The following BRCA2 variants were observed in gnomAD, a reference collection of about 807,000 sequenced individuals.
BRCA2 encodes the protein breast cancer type 2 susceptibility protein.
BRCA2 carries 203 observed loss-of-function variants against 276.7 expected under a neutral mutation model. The observed-to-expected ratio is 0.73, with a 90% CI of 0.65 to 0.82. The LOEUF is 0.82. Ranked by LOEUF, BRCA2 falls within the 40% of genes least tolerant of loss-of-function variation. The pLI is 0.00. For synonymous variants in BRCA2, 1,289 were observed against 1,338.4 expected (o/e 0.96, Z 0.81); for missense variants, 3,920 against 3,915.0 (o/e 1.00, Z -0.03).
chr13:32,381,314 GAAAT>G lies in BRCA2; in HGVS notation c.9256+1172_9256+1175del, dbSNP rs370032187. The stretch of plus-strand genomic sequence containing the variant: ...TTGGGGGAGGGAGATTACAAACAAA[GAAAT>G]AAGTAATATACATGTGTATAGTTTT... On this transcript the variant is annotated intron_variant, in intron 24 of 26. Coordinates refer to ENST00000380152, the MANE Select transcript of BRCA2 (RefSeq NM_000059.4). Among the ~76,000 whole-genome samples the G allele has an allele frequency of 3.0e-4, 45 of 152,186 alleles. No individual in the cohort carries two copies. In the East Asian group the frequency reaches 7.5e-3, roughly 26 times the overall value.
At chr13:32,381,243 C>T in intron 24 of BRCA2, among the ~76,000 whole-genome samples, 1 of 152,020 alleles carries the variant, frequency 6.6e-6, no homozygotes, top group East Asian at 1.9e-4. Context: ...TAGCGATTAA[C>T]AAAACAGATA....
rs781092796 is a variant in BRCA2, at chr13:32,355,097, A to G, written c.7244A>G (p.His2415Arg). 9 of 1,613,710 alleles carry G rather than the reference A, an allele frequency of 5.6e-6. No individual in the cohort carries two copies. Among genetic ancestry groups the G allele is most frequent in the South Asian group, 2.2e-5 (2 of 91,082 alleles). The change falls in exon 14 of 27, where the codon CAT becomes CGT. Residue 2415 changes from histidine (H) to arginine (R), a missense_variant. Transcript: ENST00000380152. ...GTTCCACCTTTTAAAACTAAATCAC[A>G]TTTTCACAGAGTTGAACAGTGTGTT... ...VFVPPFKTKS[H>R]FHRVEQCVRN... is the part of the protein sequence containing the mutation.
chr13:32,347,804 C>T (rs1162511290), intron 13 of BRCA2, among the ~76,000 whole-genome samples: 2 of 152,148 alleles, frequency 1.3e-5, no homozygotes, highest in African/African-American at 4.8e-5. Context: ...TGAGGATACT[C>T]AGATGAAACA....
In BRCA2 at chr13:32,338,916, C is replaced by A; in HGVS notation, c.4561C>A (p.Leu1521Ile). 3 of 1,613,952 alleles carry A rather than the reference C, an allele frequency of 1.9e-6. No homozygotes were observed. The highest frequency in any genetic ancestry group is 1.1e-5 in the South Asian group (1 of 91,066). ...ERDEKIKEPTLLGFHTASGKK... is the reference protein window; with the variant it reads ...ERDEKIKEPTILGFHTASGKK... ...TGATGAAAAGATCAAAGAACCTACTCTATTGGGTTTTCATACAGCTAGCGG... is the reference window on the plus strand; with the variant it reads ...TGATGAAAAGATCAAAGAACCTACTATATTGGGTTTTCATACAGCTAGCGG... Residue 1521 changes from leucine to isoleucine, a missense_variant, in exon 11 of 27, where the codon CTA (leucine) becomes ATA (isoleucine). Around this residue, in one of 2 missense-constraint regions of BRCA2, gnomAD observed 3,263 missense variants for 3,156.9 expected, o/e 1.03. Coordinates refer to ENST00000380152, the MANE Select transcript of BRCA2 (RefSeq NM_000059.4).
At chr13:32,377,407 C>T (rs867883046) in intron 21 of BRCA2, among the ~76,000 whole-genome samples, 6 of 152,084 alleles carry the variant, frequency 3.9e-5, no homozygotes, top group Admixed American at 6.6e-5. Context: ...GCCTGGCCAA[C>T]GTGGTGAAAC....
At chr13:32,347,687 C>G (rs2072621037) in intron 13 of BRCA2, among the ~76,000 whole-genome samples, 1 of 152,152 alleles carries the variant, frequency 6.6e-6, no homozygotes. Flanking sequence ...TAGCTCCTTC[C>G]CACACTTGGT....
intron 11 of BRCA2, among the ~76,000 whole-genome samples, chr13:32,342,318 G>C (rs1371739023): frequency 6.6e-6 from 1 of 151,272 alleles, no homozygotes; most frequent in African/African-American, 2.4e-5. Flanking sequence ...CAGTGAACTT[G>C]ACATATAGTA....
At position 32,396,941 on chromosome 13, in the gene BRCA2, A is replaced by G. The variant is rs1566260129; in HGVS notation, c.9545A>G (p.His3182Arg). 6.2e-7 allele frequency: 1 copy of G among 1,614,138 alleles called. No homozygotes were observed. Residue 3182 changes from histidine to arginine, a missense_variant, in exon 26 of 27, where the codon CAT (histidine) becomes CGT (arginine). Transcript: ENST00000380152. ...LCNEAENKLM[H>R]ILHANDPKWS... The stretch of plus-strand genomic sequence containing the variant: ...AATGAAGCAGAAAACAAGCTTATGC[A>G]TATACTGCATGCAAATGATCCCAAG...
intron 12 of BRCA2, among the ~76,000 whole-genome samples, chr13:32,345,770 A>G (rs957796271): frequency 1.3e-5 from 2 of 152,074 alleles, no homozygotes; most frequent in African/African-American, 2.4e-5. Context: ...GTAATTTTAT[A>G]CAATATTTTA....
In BRCA2 at chr13:32,362,483, A is replaced by G. The variant is rs9590939; in HGVS notation, c.7806-40A>G. 1.8e-3 allele frequency: 2,846 copies of G among 1,567,870 alleles called. 39 individuals carry two copies. In the African/African-American group the frequency reaches 0.03, roughly 16 times the overall value. ...TAGTTGTTGAATTCAGTATCATCCT[A>G]TGTGGTTTTTATGATAATATTCTAC... is the stretch of plus-strand genomic sequence containing the variant. On this transcript the variant is annotated intron_variant, in intron 16 of 26. Coordinates refer to ENST00000380152, the MANE Select transcript of BRCA2 (RefSeq NM_000059.4).
At chr13:32,316,628 A>G in intron 2 of BRCA2, 101 bp downstream of exon 2, 1 of 1,001,656 alleles carries the variant, frequency 1.0e-6, no homozygotes, top group South Asian at 1.4e-5. Flanking sequence ...GCTTAGAACC[A>G]TAAACTGTTC....
At chr13:32,335,563 T>A (rs1324119993) in intron 10 of BRCA2, among the ~76,000 whole-genome samples, 1 of 152,128 alleles carries the variant, frequency 6.6e-6, no homozygotes, top group East Asian at 1.9e-4. Context: ...TTAAGAAAAT[T>A]GTTACTTTTC....
rs80358857 is a variant in BRCA2, at chr13:32,340,527, T to A, written c.6172T>A (p.Phe2058Ile). ...GGTAAATTCATCTGCTTTCTCTGGATTTAGTACAGCAAGTGGAAAGCAAGT... is the reference window on the plus strand; with the variant it reads ...GGTAAATTCATCTGCTTTCTCTGGAATTAGTACAGCAAGTGGAAAGCAAGT... ...NVVNSSAFSGFSTASGKQVSI... is the reference protein window; with the variant it reads ...NVVNSSAFSGISTASGKQVSI... Residue 2058 changes from phenylalanine (F) to isoleucine (I), a missense_variant, in exon 11 of 27, where the codon TTT (phenylalanine) becomes ATT (isoleucine). Transcript: ENST00000380152. 68 of 1,613,430 alleles carry A rather than the reference T, an allele frequency of 4.2e-5. No homozygotes were observed. The highest frequency in any genetic ancestry group is 5.3e-5 in the Non-Finnish European group (62 of 1,179,708).
Position 32,332,100 on chromosome 13 carries a change from G to C in BRCA2, c.794-172G>C, listed in dbSNP as rs58259010. ...AGGCTTTACTAGAAGAACAGGAGAA[G>C]GGGTGACTGACCGAAAAATAAAATG... is the stretch of plus-strand genomic sequence containing the variant. On this transcript the variant is annotated intron_variant, in intron 9 of 26. Coordinates refer to ENST00000380152, the MANE Select transcript of BRCA2 (RefSeq NM_000059.4). Among the ~76,000 whole-genome samples the C allele has an allele frequency of 6.4e-3, 978 of 152,230 alleles. 7 individuals are homozygous for C. The highest frequency in any genetic ancestry group is 0.023 in the African/African-American group (944 of 41,542).
intron 18 of BRCA2, 65 bp downstream of exon 18, chr13:32,363,598 A>G: frequency 1.4e-6 from 2 of 1,441,980 alleles, no homozygotes; most frequent in Non-Finnish European, 1.9e-6. Flanking sequence ...GAAGTTTTAC[A>G]TTTAAATTTT....
At chr13:32,398,055 G>C in intron 26 of BRCA2, 107 bp from the exon 27 acceptor site, 1 of 1,192,028 alleles carries the variant, frequency 8.4e-7, no homozygotes, top group Non-Finnish European at 1.2e-6. Context: ...GAGGGAGACT[G>C]TGTGTAATAT....
intron 26 of BRCA2, 54 bp downstream of exon 26, chr13:32,397,098 G>T: frequency 6.4e-7 from 1 of 1,562,892 alleles, no homozygotes; most frequent in East Asian, 2.2e-5. Context: ...GGAGGCCATC[G>T]TATATTCTGT....
chr13:32,340,810 C>A lies in BRCA2; in HGVS notation c.6455C>A (p.Ser2152Tyr), dbSNP rs80358881. The stretch of plus-strand genomic sequence containing the variant: ...GAAAATAATCACTCTATTAAAGTTT[C>A]TCCATATCTCTCTCAATTTCAACAA... ...SSENNHSIKV[S>Y]PYLSQFQQDK... Residue 2152 changes from serine to tyrosine, a missense_variant, in exon 11 of 27, where the codon TCT (serine) becomes TAT (tyrosine). Ser to Tyr is a moderately radical substitution (Grantham distance 144). This residue lies in a region of BRCA2 where 3,263 missense variants were observed against 3,156.9 expected (regional missense o/e 1.03). Coordinates refer to ENST00000380152, the MANE Select transcript of BRCA2 (RefSeq NM_000059.4). 217 of 1,589,258 alleles carry A rather than the reference C, an allele frequency of 1.4e-4. No individual in the cohort carries two copies. The highest frequency in any genetic ancestry group is 5.8e-5 in the Non-Finnish European group (68 of 1,171,860).
At chr13:32,319,889 G>A (rs554359999) in intron 3 of BRCA2, among the ~76,000 whole-genome samples, 1 of 152,294 alleles carries the variant, frequency 6.6e-6, no homozygotes, top group Admixed American at 6.5e-5. Context: ...ATAGTGTAAG[G>A]TTGAATGTAG....
Sources: allele counts gnomAD v4.1 joint callset (sites outside exome capture counted in the v4.1 genomes callset), GRCh38; gene constraint gnomAD v4.1.1; regional missense constraint gnomAD v4.1.1; transcripts MANE v1.5; gene names NCBI Gene and HGNC (gene_info 2026-07-23, HGNC 2026-07-21).